The following TECTB variants were observed in gnomAD, a reference collection of about 807,000 sequenced individuals.
TECTB encodes the protein beta-tectorin.
A neutral mutation model predicts 43.3 loss-of-function variants in TECTB; 45 were observed. The observed-to-expected ratio is 1.04, with a 90% confidence interval of 0.82 to 1.33. The LOEUF (loss-of-function observed/expected upper bound fraction) is 1.33, where lower values mean the gene tolerates loss of function less well. TECTB is among the 40% of genes most tolerant of loss of function. The pLI is 0.00. For missense variants in TECTB, 399 were observed against 404.7 expected, an observed-to-expected ratio of 0.99 and a Z score of 0.12; for synonymous variants, 169 against 156.7, an observed-to-expected ratio of 1.08 and a Z score of -0.59.
rs561742871 is a variant in TECTB at position 112,299,141 on chromosome 10, G to T, written c.835-351G>T. Among the ~76,000 whole-genome samples the T allele has an allele frequency of 2.6e-5, 4 of 152,300 alleles. No homozygotes were observed. In the East Asian group the frequency reaches 7.7e-4, roughly 29 times the overall value. On this transcript the variant is annotated intron_variant, in intron 8 of 10. Coordinates refer to ENST00000646139, the MANE Select transcript of TECTB (RefSeq NM_058222.3). ...AAAGAAAATGAACCAGAATACAATTGCAAGTGTCCACTTCTCTAATTATTG... is the reference window on the plus strand; with the variant it reads ...AAAGAAAATGAACCAGAATACAATTTCAAGTGTCCACTTCTCTAATTATTG...
At chr10:112,303,156 A>G in intron 10 of TECTB, 107 bp from the exon 11 acceptor site, 1 of 1,361,662 alleles carries the variant, frequency 7.3e-7, no homozygotes, top group Non-Finnish European at 1.0e-6. Context: ...CTTTGTCTAA[A>G]ATGTGTGGAA....
intron 5 of TECTB, 132 bp from the exon 6 acceptor site, chr10:112,293,606 A>G: frequency 1.4e-6 from 1 of 717,264 alleles, no homozygotes; most frequent in Non-Finnish European, 2.4e-6. Context: ...TTGGAGGATC[A>G]CTCTATGGTC....
rs369544914 is a variant in TECTB, at chr10:112,283,777, G to A, written c.43G>A (p.Ala15Thr). 3.7e-6 allele frequency: 6 copies of A among 1,613,976 alleles called. No homozygotes were observed. Among genetic ancestry groups the A allele is most frequent in the Non-Finnish European group, 5.1e-6 (6 of 1,179,926 alleles). Residue 15 changes from alanine (A) to threonine (T), a missense_variant, in exon 2 of 11, where the codon GCC (alanine) becomes ACC (threonine). Coordinates refer to ENST00000646139, the MANE Select transcript of TECTB (RefSeq NM_058222.3). Reference protein sequence around the residue: ...AFVLLAIFAEASAKSCAPNKA... With the variant: ...AFVLLAIFAETSAKSCAPNKA... ...TGTCTTGTTGGCCATCTTTGCAGAA[G>A]CCTCTGCAAAATCGTGTGCTCCAAA...
At chr10:112,299,376 G>T in intron 8 of TECTB, 116 bp from the exon 9 acceptor site, 1 of 936,630 alleles carries the variant, frequency 1.1e-6, no homozygotes. Flanking sequence ...GGGGAATTGT[G>T]ACTCCACCCC....
At chr10:112,289,621 A>T (rs1402561382) in intron 5 of TECTB, among the ~76,000 whole-genome samples, 2 of 152,196 alleles carry the variant, frequency 1.3e-5, no homozygotes, top group African/African-American at 4.8e-5. Context: ...CAGTACTTCA[A>T]ATATGTCCAC....
In TECTB at chr10:112,304,496, T is replaced by C. The variant is rs961968429; in HGVS notation, c.*1184T>C. ...AAATACAAACTGAATGAACCAATTCTGGTAGAGAATTGGCTGGATTGTGAT... is the reference window on the plus strand; with the variant it reads ...AAATACAAACTGAATGAACCAATTCCGGTAGAGAATTGGCTGGATTGTGAT... On this transcript the variant is annotated 3_prime_UTR_variant, in exon 11 of 11. Coordinates refer to ENST00000646139, the MANE Select transcript of TECTB (RefSeq NM_058222.3). 6.6e-6 allele frequency: 1 copy of C among 152,232 alleles called. No individual in the cohort carries two copies. The highest frequency in any genetic ancestry group is 1.5e-5 in the Non-Finnish European group (1 of 68,042). The allele number at this position is 152,232 out of a possible 1,614,324, so 9.4% of individuals were successfully genotyped here. A position where few individuals can be genotyped will look rare whatever the true frequency, so the allele number is the denominator to read the frequency against.
intron 7 of TECTB, among the ~76,000 whole-genome samples, chr10:112,296,482 A>C (rs1299324938): frequency 6.6e-6 from 1 of 152,072 alleles, no homozygotes. Flanking sequence ...CCACTGGCTG[A>C]CCATGCCTGG....
chr10:112,296,264 T>G (rs1848546210), intron 7 of TECTB, among the ~76,000 whole-genome samples: 1 of 152,170 alleles, frequency 6.6e-6, no homozygotes, highest in Non-Finnish European at 1.5e-5. Context: ...AGCAGCATAC[T>G]TATCTCAAAG....
chr10:112,284,351 G>A (rs12570235), intron 2 of TECTB, among the ~76,000 whole-genome samples, 184 bp from the exon 3 acceptor site: 28,147 of 152,108 alleles, frequency 0.19, 2,810 homozygotes, highest in East Asian at 0.33. Flanking sequence ...CAAAAACTGT[G>A]AGAGTGACTC....
intron 6 of TECTB, 40 bp downstream of exon 6, chr10:112,293,881 A>G (rs1848522371): frequency 1.2e-6 from 2 of 1,608,504 alleles, no homozygotes; most frequent in Non-Finnish European, 1.7e-6. Flanking sequence ...TTAAATGCAA[A>G]GAAAAAAAAG....
At chr10:112,302,211 C>A in intron 10 of TECTB, 78 bp downstream of exon 10, 1 of 1,563,320 alleles carries the variant, frequency 6.4e-7, no homozygotes, top group Non-Finnish European at 8.8e-7. Context: ...AGAAGCTTAA[C>A]TTTGGCCCCG....
intron 10 of TECTB, 35 bp from the exon 11 acceptor site, chr10:112,303,228 T>G: frequency 6.2e-7 from 1 of 1,613,670 alleles, no homozygotes; most frequent in Non-Finnish European, 8.5e-7. Context: ...TAGAACTGTC[T>G]CTGAGTGCCA....
At chr10:112,293,183 T>C (rs942600134) in intron 5 of TECTB, among the ~76,000 whole-genome samples, 1 of 152,264 alleles carries the variant, frequency 6.6e-6, no homozygotes, top group Admixed American at 6.5e-5. Context: ...CTTTGCTTTG[T>C]TCGCTAACAA....
chr10:112,286,097 C>G lies in TECTB; in HGVS notation c.294C>G (p.Tyr98Ter), dbSNP rs763401490. ...ACAAGCCACCTATCTATCACTTCTA[C>G]AGTCACATCGTTTCCAATGACACCA... The part of the protein sequence containing the change: ...SEYKPPIYHF[Y>*]SHIVSNDTTV... Residue 98 changes from tyrosine (Y) to a stop codon, truncating the protein, a stop_gained, in exon 4 of 11, where the codon TAC becomes TAG. Coordinates refer to ENST00000646139, the MANE Select transcript of TECTB (RefSeq NM_058222.3). LOFTEE classifies it high-confidence loss of function. The G allele has an allele frequency of 8.1e-6, 13 of 1,614,028 alleles. No homozygotes were observed. In the Admixed American group the frequency reaches 2.2e-4, roughly 27 times the overall value.
In TECTB at chr10:112,286,345, G is replaced by T; in HGVS notation, c.437G>T (p.Gly146Val). The change falls in exon 5 of 11, where the codon GGG becomes GTG. Residue 146 changes from glycine to valine, a missense_variant. Physicochemically the swap from Gly to Val is moderately radical, Grantham distance 109. Transcript: ENST00000646139. The stretch of plus-strand genomic sequence containing the variant: ...GTGGCCACTGTTCACGTGAAGAACG[G>T]GAGCATGGGCACATTTGAGAGCCAA... ...QRVATVHVKN[G>V]SMGTFESQLS... The T allele has an allele frequency of 6.2e-7, 1 of 1,611,622 alleles. No homozygotes were observed. Among genetic ancestry groups the T allele is most frequent in the Non-Finnish European group, 8.5e-7 (1 of 1,177,864 alleles).
chr10:112,297,071 C>CTT (rs1325516115), intron 7 of TECTB, among the ~76,000 whole-genome samples: 1 of 152,180 alleles, frequency 6.6e-6, no homozygotes, highest in African/African-American at 2.4e-5. Context: ...AGGAACGGCA[C>CTT]TTAGGTCATC....
chr10:112,303,290 T>C lies in TECTB; in HGVS notation c.968T>C (p.Leu323Ser). Reference protein sequence around the residue: ...SDVLHHLIMMLGICAVL With the variant: ...SDVLHHLIMMSGICAVL ...GTTCTCCACCACCTCATCATGATGT[T>C]GGGGATTTGTGCCGTGTTATAGGAG... The change falls in exon 11 of 11, where the codon TTG (leucine) becomes TCG (serine). Residue 323 changes from leucine to serine, a missense_variant. By Grantham distance (145) the Leu-to-Ser change is moderately radical. Coordinates refer to ENST00000646139, the MANE Select transcript of TECTB (RefSeq NM_058222.3). 1 of 1,614,136 alleles carries C rather than the reference T, an allele frequency of 6.2e-7. No individual in the cohort carries two copies. The highest frequency in any genetic ancestry group is 8.5e-7 in the Non-Finnish European group (1 of 1,180,008).
At chr10:112,300,694 C>T (rs1589643328) in intron 9 of TECTB, among the ~76,000 whole-genome samples, 2 of 152,212 alleles carry the variant, frequency 1.3e-5, no homozygotes, top group African/African-American at 4.8e-5. Context: ...ACAGGAAATG[C>T]TCATTGTAGC....
chr10:112,299,759 G>C (rs889294621), intron 9 of TECTB, 195 bp downstream of exon 9: 13 of 583,568 alleles, frequency 2.2e-5, no homozygotes, highest in African/African-American at 2.0e-4. Flanking sequence ...GTTGAGGTTT[G>C]TTATCTACTC....
Sources: gnomAD v4.1 joint callset for allele counts (sites outside exome capture counted in the v4.1 genomes callset) on GRCh38, gnomAD v4.1.1 for gene constraint, MANE v1.5 for transcripts, NCBI Gene and HGNC (gene_info 2026-07-23, HGNC 2026-07-21) for gene names.